SLC35D4: variants seen among roughly 807,000 people sequenced by gnomAD.
SLC35D4 encodes the protein solute carrier family 35 member D4.
the SLC35D4 span, among the ~76,000 whole-genome samples, chr18:23,407,181 T>C: frequency 6.6e-6 from 1 of 152,224 alleles, no homozygotes; most frequent in Non-Finnish European, 1.5e-5. Flanking sequence ...AACTCACTTT[T>C]TTCATTTATC....
the SLC35D4 span, among the ~76,000 whole-genome samples, chr18:23,405,382 G>A: frequency 6.6e-6 from 1 of 152,012 alleles, no homozygotes; most frequent in East Asian, 1.9e-4. Context: ...AGAGATGGGC[G>A]TTTCACCATG....
At chr18:23,331,175 CT>C in the SLC35D4 span, 1 of 152,326 alleles carries the variant, frequency 6.6e-6, no homozygotes, top group South Asian at 2.1e-4. Flanking sequence ...GTCACAGCCC[CT>C]GAAGGAAAAG....
the SLC35D4 span, among the ~76,000 whole-genome samples, chr18:23,418,740 G>A: frequency 6.6e-6 from 1 of 151,348 alleles, no homozygotes; most frequent in African/African-American, 2.4e-5. Context: ...GGGTACGGTG[G>A]CTCAAGCCTG....
the SLC35D4 span, chr18:23,365,543 G>C: frequency 6.8e-7 from 1 of 1,474,696 alleles, no homozygotes; most frequent in Non-Finnish European, 9.3e-7. Context: ...GCAATGACAT[G>C]CTCTTATGAA....
At chr18:23,414,335 C>A in the SLC35D4 span, among the ~76,000 whole-genome samples, 9,949 of 43,516 alleles carry the variant, frequency 0.23, 533 homozygotes, top group African/African-American at 0.33. Flanking sequence ...GGAAGGAAGG[C>A]AGGCAGGCAG....
At chr18:23,425,717 T>C in the SLC35D4 span, among the ~76,000 whole-genome samples, 1 of 152,196 alleles carries the variant, frequency 6.6e-6, no homozygotes, top group African/African-American at 2.4e-5. Flanking sequence ...TTCACACCAT[T>C]GTACAGTCAA....
At chr18:23,327,592 C>A in the SLC35D4 span, among the ~76,000 whole-genome samples, 3 of 152,008 alleles carry the variant, frequency 2.0e-5, no homozygotes, top group Admixed American at 6.5e-5. Flanking sequence ...CAGGACCAGA[C>A]GGATTCACAG....
At chr18:23,386,423 A>C in the SLC35D4 span, among the ~76,000 whole-genome samples, 6 of 152,166 alleles carry the variant, frequency 3.9e-5, no homozygotes, top group African/African-American at 1.4e-4. Flanking sequence ...GGCCACCAGA[A>C]GCTGAAAGAG....
At chr18:23,384,805 A>G in the SLC35D4 span, among the ~76,000 whole-genome samples, 147,752 of 152,266 alleles carry the variant, frequency 0.97, 71,843 homozygotes, top group South Asian at 1. Context: ...ATATTCCCAC[A>G]TATGTCTGGT....
the SLC35D4 span, chr18:23,385,141 CT>C: frequency 6.9e-7 from 1 of 1,456,374 alleles, no homozygotes; most frequent in East Asian, 2.4e-5. Flanking sequence ...TGATTTTTTG[CT>C]TAAAAATAAA....
At chr18:23,392,807 C>G in the SLC35D4 span, among the ~76,000 whole-genome samples, 1 of 152,206 alleles carries the variant, frequency 6.6e-6, no homozygotes. Context: ...ATATGCATAT[C>G]CCACAGGAAC....
the SLC35D4 span, among the ~76,000 whole-genome samples, chr18:23,256,533 T>G: frequency 6.6e-6 from 1 of 152,144 alleles, no homozygotes; most frequent in Non-Finnish European, 1.5e-5. Context: ...CAGGCTGGAG[T>G]TCGGTGGCAC....
the SLC35D4 span, among the ~76,000 whole-genome samples, chr18:23,241,481 A>C: frequency 1.3e-5 from 2 of 151,584 alleles, no homozygotes; most frequent in South Asian, 4.2e-4. Flanking sequence ...CAGTGAGCCG[A>C]GATCACACTA....
chr18:23,411,530 AAAGAAAGAAAGAAAGAAAGAAAG>A, the SLC35D4 span, among the ~76,000 whole-genome samples: 1 of 151,540 alleles, frequency 6.6e-6, no homozygotes, highest in South Asian at 2.1e-4. Flanking sequence ...AGAAAGAAAG[AAAGAAAGAAAGAAAGAAAGAAAG>A]GTGTGTGCTG....
At chr18:23,320,087 A>C in the SLC35D4 span, among the ~76,000 whole-genome samples, 1 of 152,060 alleles carries the variant, frequency 6.6e-6, no homozygotes, top group Non-Finnish European at 1.5e-5. Context: ...GCATCCCTTC[A>C]AATATTGCTT....
At chr18:23,370,430 T>C in the SLC35D4 span, 2 of 626,006 alleles carry the variant, frequency 3.2e-6, no homozygotes, top group Non-Finnish European at 5.6e-6. Flanking sequence ...CCATCAACAT[T>C]TGGAAGGCTT....
At chr18:23,248,648 T>G in the SLC35D4 span, among the ~76,000 whole-genome samples, 1 of 148,482 alleles carries the variant, frequency 6.7e-6, no homozygotes, top group African/African-American at 2.5e-5. Flanking sequence ...ACCAACATGG[T>G]GAAACCCCAT....
chr18:23,242,735 T>C, the SLC35D4 span, among the ~76,000 whole-genome samples: 1 of 152,336 alleles, frequency 6.6e-6, no homozygotes, highest in African/African-American at 2.4e-5. Context: ...TGCATAAGCA[T>C]GTAAACCTCA....
chr18:23,251,818 G>T, the SLC35D4 span, among the ~76,000 whole-genome samples: 1 of 152,210 alleles, frequency 6.6e-6, no homozygotes, highest in South Asian at 2.1e-4. Flanking sequence ...AGGCGCGGTG[G>T]CTCACGCCTG....
Sources: allele counts gnomAD v4.1 joint callset (sites outside exome capture counted in the v4.1 genomes callset), GRCh38; gene constraint gnomAD v4.1.1; transcripts MANE v1.5; gene names NCBI Gene and HGNC (gene_info 2026-07-23, HGNC 2026-07-21).